MGAT4C: variants seen among roughly 807,000 people sequenced by gnomAD.
MGAT4C encodes the protein MGAT4 family member C, also known as alpha-1,3-mannosyl-glycoprotein 4-beta-N-acetylglucosaminyltransferase C.
A neutral mutation model predicts 40.1 loss-of-function variants in MGAT4C; 19 were observed. The observed-to-expected ratio is 0.47, with a 90% CI of 0.33 to 0.70. MGAT4C has a LOEUF of 0.70. Among genes scored for constraint, MGAT4C ranks in the 30% least tolerant of loss-of-function variants. The pLI, the probability that MGAT4C is intolerant of heterozygous loss-of-function variation, is 0.02. For missense variants in MGAT4C, 491 were observed against 563.2 expected (o/e 0.87, Z 1.30); for synonymous variants, 181 against 187.1 (o/e 0.97, Z 0.27).
chr12:86,736,112 T>C (rs189595609), intron 1 of MGAT4C, among the ~76,000 whole-genome samples: 4 of 151,972 alleles, frequency 2.6e-5, no homozygotes, highest in Admixed American at 2.0e-4. Flanking sequence ...ACTTCTGTGG[T>C]AATTAATTCA....
At chr12:86,458,917 C>A (rs1957551073) in intron 2 of MGAT4C, among the ~76,000 whole-genome samples, 1 of 138,424 alleles carries the variant, frequency 7.2e-6, no homozygotes, top group African/African-American at 2.7e-5. Flanking sequence ...TTTTTGGATG[C>A]CATTTCCAGT....
chr12:85,978,748 C>T lies in MGAT4C; in HGVS notation c.*541G>A, dbSNP rs1884198596. 6.6e-6 allele frequency: 1 copy of T among 151,396 alleles called. No homozygotes were observed. The highest frequency in any genetic ancestry group is 6.6e-5 in the Admixed American group (1 of 15,134). The allele number at this position is 151,396 out of a possible 1,614,324, so 9.4% of individuals were successfully genotyped here. A position where few individuals can be genotyped will look rare whatever the true frequency, so the allele number is the denominator to read the frequency against. ...TTTTTTTTCTTTTTCCATAGTGTCA[C>T]CTACACAAAAAATTATGTAAAGACA... On this transcript the variant is annotated 3_prime_UTR_variant, in exon 5 of 5. Transcript: ENST00000611864.
chr12:86,702,407 A>T (rs1213287817), intron 2 of MGAT4C, among the ~76,000 whole-genome samples: 2 of 152,156 alleles, frequency 1.3e-5, no homozygotes, highest in Admixed American at 1.3e-4. Context: ...GGACTGTCAT[A>T]TCTATGAAGG....
intron 3 of MGAT4C, among the ~76,000 whole-genome samples, chr12:86,340,972 A>G (rs1954893953): frequency 6.7e-6 from 1 of 150,330 alleles, no homozygotes; most frequent in Admixed American, 6.6e-5. Flanking sequence ...TAAATATTTA[A>G]AAGGGCTTAT....
intron 2 of MGAT4C, among the ~76,000 whole-genome samples, chr12:86,606,910 T>C (rs1344512946): frequency 6.6e-6 from 1 of 152,138 alleles, no homozygotes; most frequent in Non-Finnish European, 1.5e-5. Flanking sequence ...AATTTACCTA[T>C]TGGTATTTAG....
At chr12:86,295,590 G>C (rs529458737) in intron 4 of MGAT4C, among the ~76,000 whole-genome samples, 1 of 152,170 alleles carries the variant, frequency 6.6e-6, no homozygotes, top group South Asian at 2.1e-4. Flanking sequence ...GACCCCAGCA[G>C]GTTGCCAATG....
intron 1 of MGAT4C, among the ~76,000 whole-genome samples, chr12:86,160,973 T>C (rs1019339450): frequency 4.6e-5 from 7 of 151,962 alleles, no homozygotes; most frequent in African/African-American, 1.7e-4. Context: ...TCATTACATG[T>C]GAGATGAGTT....
chr12:86,056,107 T>C (rs1181987491), intron 1 of MGAT4C, among the ~76,000 whole-genome samples: 1 of 152,194 alleles, frequency 6.6e-6, no homozygotes, highest in African/African-American at 2.4e-5. Flanking sequence ...ATGAGTTCTG[T>C]ACTCACTAAA....
chr12:86,038,698 C>A (rs1433921259), intron 2 of MGAT4C, among the ~76,000 whole-genome samples: 1 of 149,974 alleles, frequency 6.7e-6, no homozygotes, highest in Admixed American at 6.7e-5. Context: ...ATTTGCAAGG[C>A]TTTATCTTTT....
chr12:86,357,448 C>T (rs150928543), intron 3 of MGAT4C, among the ~76,000 whole-genome samples: 76 of 152,226 alleles, frequency 5.0e-4, no homozygotes, highest in Non-Finnish European at 8.4e-4. Flanking sequence ...TCCTCGTCAG[C>T]AATGGAACAA....
intron 1 of MGAT4C, among the ~76,000 whole-genome samples, chr12:86,086,532 A>G (rs1313755965): frequency 6.6e-6 from 1 of 152,142 alleles, no homozygotes; most frequent in African/African-American, 2.4e-5. Flanking sequence ...CTTAAAGTAT[A>G]GTAATAAAAA....
At chr12:86,620,030 C>A (rs56122335) in intron 2 of MGAT4C, among the ~76,000 whole-genome samples, 2 of 152,022 alleles carry the variant, frequency 1.3e-5, no homozygotes, top group African/African-American at 4.8e-5. Context: ...TAATCATACA[C>A]AAGTCAGAAT....
chr12:86,511,254 T>C (rs1000159341), intron 2 of MGAT4C, among the ~76,000 whole-genome samples: 2 of 151,962 alleles, frequency 1.3e-5, no homozygotes, highest in Non-Finnish European at 2.9e-5. Flanking sequence ...GGGTACATAA[T>C]GAAATGAAGC....
chr12:86,382,417 T>G (rs1955953639), intron 3 of MGAT4C, among the ~76,000 whole-genome samples: 1 of 152,282 alleles, frequency 6.6e-6, no homozygotes, highest in African/African-American at 2.4e-5. Context: ...TTAAATGCAT[T>G]CAGTTTTAAA....
intron 2 of MGAT4C, among the ~76,000 whole-genome samples, chr12:86,585,173 GC>G (rs1349433121): frequency 3.3e-5 from 5 of 151,224 alleles, no homozygotes; most frequent in Non-Finnish European, 7.4e-5. Flanking sequence ...TAGTTTTATA[GC>G]TTTGTACATA....
chr12:86,798,290 T>C (rs1446226514), intron 1 of MGAT4C, among the ~76,000 whole-genome samples: 1 of 151,984 alleles, frequency 6.6e-6, no homozygotes, highest in Admixed American at 6.6e-5. Flanking sequence ...ATTCACTTTG[T>C]AGTTCATCAT....
intron 3 of MGAT4C, among the ~76,000 whole-genome samples, chr12:86,379,994 A>G (rs1314680830): frequency 2.0e-5 from 3 of 152,064 alleles, no homozygotes; most frequent in Admixed American, 6.6e-5. Flanking sequence ...CATTATTCTA[A>G]CCTTTCACTC....
intron 1 of MGAT4C, among the ~76,000 whole-genome samples, chr12:86,140,178 C>T (rs1882633666): frequency 6.6e-6 from 1 of 152,094 alleles, no homozygotes; most frequent in Admixed American, 6.6e-5. Flanking sequence ...AACTTTTCTC[C>T]TTTAGTCATA....
At chr12:86,357,066 C>T (rs189186744) in intron 3 of MGAT4C, among the ~76,000 whole-genome samples, 3 of 152,298 alleles carry the variant, frequency 2.0e-5, no homozygotes, top group Non-Finnish European at 4.4e-5. Context: ...CTGGGAGGCA[C>T]CTCCCAGTAG....
Sources: allele counts gnomAD v4.1 joint callset (sites outside exome capture counted in the v4.1 genomes callset), GRCh38; gene constraint gnomAD v4.1.1; transcripts MANE v1.5; gene names NCBI Gene and HGNC (gene_info 2026-07-23, HGNC 2026-07-21).